The following PLEKHA8 variants were observed in gnomAD, a reference collection of about 807,000 sequenced individuals.
PLEKHA8 encodes pleckstrin homology domain-containing family A member 8.
Under a neutral mutation model 68.2 loss-of-function variants are expected in PLEKHA8, and 36 were observed. The ratio of observed to expected loss-of-function variants is 0.53; its 90% CI spans 0.40 to 0.70. PLEKHA8 has a LOEUF of 0.70. Ranked by LOEUF, PLEKHA8 falls within the 30% of genes least tolerant of loss-of-function variation. PLEKHA8 has a pLI of 0.00. For missense variants in PLEKHA8, 505 were observed against 615.4 expected, an observed-to-expected ratio of 0.82 and a Z score of 1.90; for synonymous variants, 211 against 216.1, an observed-to-expected ratio of 0.98 and a Z score of 0.20.
Position 30,078,784 on chromosome 7 carries a change from A to G in PLEKHA8, c.1557A>G (p.Val519=), listed in dbSNP as rs1374855661. ...ACGGGCTGGAATCTGATGAGGTGGT[A>G]TGATGGCTGCTGGGCAGCACCTCCT... ...EVHGLESDEV[V] Residue 519 remains valine (V), a synonymous_variant, in exon 14 of 14, where the codon GTA becomes GTG. Coordinates refer to ENST00000449726, the MANE Select transcript of PLEKHA8 (RefSeq NM_001197026.2). The G allele has an allele frequency of 1.2e-6, 2 of 1,613,072 alleles. No homozygotes were observed. The highest frequency in any genetic ancestry group is 2.2e-5 in the East Asian group (1 of 44,870).
intron 13 of PLEKHA8, among the ~76,000 whole-genome samples, chr7:30,105,650 T>TA (rs1192428921): frequency 4.6e-5 from 7 of 152,172 alleles, no homozygotes; most frequent in Non-Finnish European, 1.0e-4. Flanking sequence ...TATGACTAGG[T>TA]AACTCACAAA....
downstream of PLEKHA8, among the ~76,000 whole-genome samples, chr7:30,095,616 T>C (rs1795583392): frequency 6.6e-6 from 1 of 152,260 alleles, no homozygotes; most frequent in Admixed American, 6.5e-5. Flanking sequence ...ATGTCCTGAA[T>C]GGTATTGCCT....
chr7:30,039,891 C>G (rs1275705440), intron 1 of PLEKHA8, among the ~76,000 whole-genome samples: 2 of 151,870 alleles, frequency 1.3e-5, no homozygotes, highest in African/African-American at 4.8e-5. Flanking sequence ...GACTAATTGC[C>G]TTGGCTAGAA....
At chr7:30,110,243 A>G (rs1796225865) in intron 13 of PLEKHA8, among the ~76,000 whole-genome samples, 2 of 152,030 alleles carry the variant, frequency 1.3e-5, no homozygotes, top group African/African-American at 4.8e-5. Flanking sequence ...CCTGTTCTGG[A>G]CTTTTCATAT....
At chr7:30,105,018 G>A (rs1225929844) in intron 13 of PLEKHA8, among the ~76,000 whole-genome samples, 1 of 152,006 alleles carries the variant, frequency 6.6e-6, no homozygotes. Flanking sequence ...GAGCCACTGC[G>A]CCCAGCCTCA....
intron 11 of PLEKHA8, among the ~76,000 whole-genome samples, chr7:30,062,371 C>G (rs183479914): frequency 6.6e-6 from 1 of 152,268 alleles, no homozygotes; most frequent in African/African-American, 2.4e-5. Flanking sequence ...TTCAGTAACT[C>G]GGGTGGGGCC....
At chr7:30,047,281 G>A (rs1024618052) in intron 3 of PLEKHA8, among the ~76,000 whole-genome samples, 19 of 152,062 alleles carry the variant, frequency 1.2e-4, no homozygotes, top group African/African-American at 4.3e-4. Flanking sequence ...TCGATGCCAG[G>A]GTGACTGGAG....
In PLEKHA8 at chr7:30,074,268, G is replaced by GTGTGTGTGTGTGTGTA. The variant is rs1794468821; in HGVS notation, c.1362+141_1362+142insGTGTGTGTGTATGTGT. On this transcript the variant is annotated intron_variant, in intron 13 of 13. Coordinates refer to ENST00000449726, the MANE Select transcript of PLEKHA8 (RefSeq NM_001197026.2). Reference sequence around the variant, plus strand: ...AAGTTGTGTGTGTGTGTGTGTGTGTGTGTGTATGTGTGGTGTTTTTGTTTG... The same window carrying GTGTGTGTGTGTGTGTA: ...AAGTTGTGTGTGTGTGTGTGTGTGTGTGTGTGTGTGTGTGTATGTGTATGTGTGGTGTTTTTGTTTG... 9.2e-6 allele frequency: 6 copies of GTGTGTGTGTGTGTGTA among 652,466 alleles called. No homozygotes were observed. In the South Asian group the frequency reaches 1.3e-4, roughly 14 times the overall value. 40.4% of individuals were successfully genotyped at this position (652,466 alleles called of 1,614,324 possible).
downstream of PLEKHA8, chr7:30,130,087 C>T (rs540869038): frequency 2.6e-5 from 4 of 152,366 alleles, no homozygotes; most frequent in African/African-American, 9.6e-5. Flanking sequence ...CCTGGATACA[C>T]ACCTTTTCCT....
At position 30,084,315 on chromosome 7, in the gene PLEKHA8, G is replaced by C. The variant is rs1330922814; in HGVS notation, c.*5528G>C. 7 of 985,212 alleles carry C rather than the reference G, an allele frequency of 7.1e-6. No homozygotes were observed. The highest frequency in any genetic ancestry group is 8.4e-6 in the Non-Finnish European group (7 of 829,872). 61.0% of individuals were successfully genotyped at this position (985,212 alleles called of 1,614,324 possible). The stretch of plus-strand genomic sequence containing the variant: ...TTTATGCACTTTGAATATCTGTCAC[G>C]TGCAGTGTTAATGTTACCTGTTCTT... On this transcript the variant is annotated 3_prime_UTR_variant, in exon 14 of 14. Coordinates refer to ENST00000449726, the MANE Select transcript of PLEKHA8 (RefSeq NM_001197026.2).
chr7:30,108,293 A>G (rs1796147370), intron 13 of PLEKHA8, among the ~76,000 whole-genome samples: 1 of 151,986 alleles, frequency 6.6e-6, no homozygotes, highest in Non-Finnish European at 1.5e-5. Flanking sequence ...TTTAGAAATG[A>G]GATTGGGCTT....
chr7:30,104,772 G>T (rs868276655), intron 13 of PLEKHA8, among the ~76,000 whole-genome samples: 34 of 147,150 alleles, frequency 2.3e-4, no homozygotes, highest in Admixed American at 6.2e-4. Context: ...GCCCAGGCTG[G>T]AGTGCAGTGG....
chr7:30,065,235 GA>G (rs1248700171), intron 12 of PLEKHA8, among the ~76,000 whole-genome samples: 5 of 152,188 alleles, frequency 3.3e-5, no homozygotes, highest in Non-Finnish European at 1.5e-5. Flanking sequence ...ATTTTCAATG[GA>G]AAAGAGAAGG....
chr7:30,065,649 A>G (rs1793794867), intron 12 of PLEKHA8, among the ~76,000 whole-genome samples: 1 of 152,188 alleles, frequency 6.6e-6, no homozygotes, highest in South Asian at 2.1e-4. Context: ...TGCAATTTAT[A>G]TGCCATATAT....
In PLEKHA8 at chr7:30,081,835, A is replaced by T; in HGVS notation, c.*3048A>T. On this transcript the variant is annotated 3_prime_UTR_variant, in exon 14 of 14. Transcript: ENST00000449726. ...TGCCTGTACTTTTCTCTATGGTAAAAGCCAGTGTTTACACTTTGTAGGGAT... is the reference window on the plus strand; with the variant it reads ...TGCCTGTACTTTTCTCTATGGTAAATGCCAGTGTTTACACTTTGTAGGGAT... 1 of 985,446 alleles carries T rather than the reference A, an allele frequency of 1.0e-6. No homozygotes were observed. The highest frequency in any genetic ancestry group is 1.2e-6 in the Non-Finnish European group (1 of 829,910). The allele number at this position is 985,446 out of a possible 1,614,324, so 61.0% of individuals were successfully genotyped here. A position where few individuals can be genotyped will look rare whatever the true frequency, so the allele number is the denominator to read the frequency against.
At chr7:30,038,671 A>G (rs1238100931) in intron 1 of PLEKHA8, among the ~76,000 whole-genome samples, 1 of 152,182 alleles carries the variant, frequency 6.6e-6, no homozygotes, top group Non-Finnish European at 1.5e-5. Flanking sequence ...ATTTTATTTT[A>G]TGTAATTTTT....
chr7:30,085,707 C>T (rs1185876839), downstream of PLEKHA8, among the ~76,000 whole-genome samples: 1 of 152,088 alleles, frequency 6.6e-6, no homozygotes, highest in Non-Finnish European at 1.5e-5. Context: ...CAGCTAAGTC[C>T]GTTAGAATTG....
chr7:30,096,009 C>T (rs1795605799), intron 13 of PLEKHA8, among the ~76,000 whole-genome samples: 1 of 152,166 alleles, frequency 6.6e-6, no homozygotes, highest in Admixed American at 6.5e-5. Context: ...GCAATGCGGG[C>T]TCTTTTTTGG....
At chr7:30,071,529 C>G (rs905818260) in intron 12 of PLEKHA8, among the ~76,000 whole-genome samples, 10 of 152,212 alleles carry the variant, frequency 6.6e-5, no homozygotes, top group Admixed American at 3.9e-4. Flanking sequence ...CAGATAGCTA[C>G]TCTAGCAGTT....
Sources: allele counts gnomAD v4.1 joint callset (sites outside exome capture counted in the v4.1 genomes callset), GRCh38; gene constraint gnomAD v4.1.1; transcripts MANE v1.5; gene names NCBI Gene and HGNC (gene_info 2026-07-23, HGNC 2026-07-21).